HPS5: variants seen among roughly 807,000 people sequenced by gnomAD.
HPS5 encodes the protein HPS5 biogenesis of lysosomal organelles complex 2 subunit 2, also known as BLOC-2 complex member HPS5.
Under a neutral mutation model 128.0 loss-of-function variants are expected in HPS5, and 83 were observed. The observed-to-expected ratio is 0.65, with a 90% CI of 0.54 to 0.78. The LOEUF (loss-of-function observed/expected upper bound fraction) is 0.78, where lower values mean the gene tolerates loss of function less well. Ranked by LOEUF, HPS5 falls within the 30% of genes least tolerant of loss-of-function variation. The probability of loss-of-function intolerance (pLI) is 0.00; values close to 1 mark genes in which losing one functional copy is unlikely to be tolerated. For missense variants in HPS5, 1,281 were observed against 1,326.2 expected (o/e 0.97, Z 0.53); for synonymous variants, 475 against 470.2 (o/e 1.01, Z -0.13).
chr11:18,293,560 T>A (rs924037543), intron 14 of HPS5, among the ~76,000 whole-genome samples: 1 of 152,288 alleles, frequency 6.6e-6, no homozygotes, highest in Non-Finnish European at 1.5e-5. Context: ...CTCAAGGTGA[T>A]AAGCTCCAGT....
At position 18,288,151 on chromosome 11, in the gene HPS5, T is replaced by C. The variant is rs370927046; in HGVS notation, c.2441-138A>G. The C allele has an allele frequency of 8.7e-4, 741 of 848,518 alleles. 21 individuals are homozygous for C. The South Asian group carries it at 0.011, about 13-fold the overall frequency. 52.6% of individuals were successfully genotyped at this position (848,518 alleles called of 1,614,324 possible). ...TATGTGCAAGGCCCAATATTAAGCA[T>C]TACAAGAGAAACAAATAAAAGTACA... On this transcript the variant is annotated intron_variant, in intron 16 of 22. Transcript: ENST00000349215.
chr11:18,292,894 C>A lies in HPS5; in HGVS notation c.1862+5G>T. 1 of 1,608,288 alleles carries A rather than the reference C, an allele frequency of 6.2e-7. No individual in the cohort carries two copies. Among genetic ancestry groups the A allele is most frequent in the Non-Finnish European group, 8.5e-7 (1 of 1,174,634 alleles). ...GTCACTATAAAAGTTTCTCATTATA[C>A]TCACATTGCTTCTGCTGTTGCTACT... On this transcript the variant is annotated splice_donor_5th_base_variant and intron_variant, in intron 15 of 22. Coordinates refer to ENST00000349215, the MANE Select transcript of HPS5 (RefSeq NM_181507.2).
intron 8 of HPS5, among the ~76,000 whole-genome samples, chr11:18,304,701 A>G (rs1862145516): frequency 6.6e-6 from 1 of 152,248 alleles, no homozygotes; most frequent in African/African-American, 2.4e-5. Flanking sequence ...ACAACTTCAT[A>G]CAATATTTGC....
At chr11:18,287,749 T>A in intron 17 of HPS5, 59 bp from the exon 18 acceptor site, 1 of 1,598,374 alleles carries the variant, frequency 6.3e-7, no homozygotes, top group Non-Finnish European at 8.6e-7. Context: ...ATAACTTGGT[T>A]ACATTTAGGT....
intron 8 of HPS5, among the ~76,000 whole-genome samples, chr11:18,304,114 A>C (rs1157986338): frequency 1.3e-5 from 2 of 152,172 alleles, no homozygotes; most frequent in Admixed American, 6.5e-5. Context: ...AAGAGTTTTT[A>C]ATATGCTTTA....
intron 2 of HPS5, among the ~76,000 whole-genome samples, chr11:18,313,785 G>A (rs549206611): frequency 1.6e-4 from 25 of 151,986 alleles, no homozygotes; most frequent in Non-Finnish European, 3.2e-4. Flanking sequence ...GTGGCAGTGC[G>A]TGCCTGTAAT....
At position 18,298,865 on chromosome 11, in the gene HPS5, A is replaced by C; in HGVS notation, c.1091T>G (p.Leu364Arg). 6.2e-7 allele frequency: 1 copy of C among 1,614,230 alleles called. No individual in the cohort carries two copies. Among genetic ancestry groups the C allele is most frequent in the African/African-American group, 1.3e-5 (1 of 75,064 alleles). ...CAAGTTCCATAGGCCTCTTCTTAGC[A>C]GGCGTTCCACACAGCGCTCCACAGA... is the stretch of plus-strand genomic sequence containing the variant. ...LISVERCVER[L>R]LRRGLWNLAA... The change falls in exon 10 of 23, where the codon CTG becomes CGG. Residue 364 changes from leucine (L) to arginine (R), a missense_variant. Physicochemically the swap from Leu to Arg is moderately radical, Grantham distance 102. Coordinates refer to ENST00000349215, the MANE Select transcript of HPS5 (RefSeq NM_181507.2).
chr11:18,287,156 G>T (rs1859851562), intron 18 of HPS5, among the ~76,000 whole-genome samples: 1 of 152,184 alleles, frequency 6.6e-6, no homozygotes, highest in African/African-American at 2.4e-5. Flanking sequence ...CAACCATGGG[G>T]AGACAGAAAA....
At chr11:18,318,091 A>C (rs1322866330) in intron 1 of HPS5, among the ~76,000 whole-genome samples, 184 bp from the exon 2 acceptor site, 1 of 152,218 alleles carries the variant, frequency 6.6e-6, no homozygotes, top group Non-Finnish European at 1.5e-5. Flanking sequence ...CCCTGACTCT[A>C]AAACTCCCAG....
intron 9 of HPS5, among the ~76,000 whole-genome samples, chr11:18,299,975 G>C (rs569582201): frequency 6.6e-6 from 1 of 152,216 alleles, no homozygotes; most frequent in Non-Finnish European, 1.5e-5. Context: ...TTCTGGGAAG[G>C]GTAAGAGGAA....
intron 2 of HPS5, among the ~76,000 whole-genome samples, chr11:18,317,393 T>C (rs1200153663): frequency 6.6e-6 from 1 of 151,856 alleles, no homozygotes; most frequent in Non-Finnish European, 1.5e-5. Context: ...GTACCTGGGA[T>C]TACAGGCGCG....
At chr11:18,280,445 G>T in intron 22 of HPS5, 1 of 595,554 alleles carries the variant, frequency 1.7e-6, no homozygotes, top group South Asian at 2.1e-5. Context: ...TGGCAGGAAA[G>T]TAAAATGGTG....
intron 8 of HPS5, among the ~76,000 whole-genome samples, chr11:18,302,831 G>GGGGGGGGGGGGGA (rs1554940156): frequency 2.2e-4 from 6 of 26,904 alleles, no homozygotes; most frequent in Non-Finnish European, 3.2e-4. Context: ...GCGGGGGGGG[G>GGGGGGGGGGGGGA]GGGGGTGTCA....
At chr11:18,305,532 A>C (rs1862246348) in intron 7 of HPS5, 39 bp from the exon 8 acceptor site, 12 of 1,455,754 alleles carry the variant, frequency 8.2e-6, no homozygotes, top group Non-Finnish European at 1.2e-5. Context: ...TTTATCTGTT[A>C]AAAGTATAAC....
chr11:18,286,910 G>T (rs114860794), intron 18 of HPS5, 200 bp from the exon 19 acceptor site: 4 of 496,558 alleles, frequency 8.1e-6, no homozygotes, highest in Non-Finnish European at 1.0e-5. Context: ...GGCCAAAAAA[G>T]AAAAAAAAAA....
At chr11:18,281,082 A>ATT (rs35143344) in intron 22 of HPS5, among the ~76,000 whole-genome samples, 111 of 140,798 alleles carry the variant, frequency 7.9e-4, no homozygotes, top group South Asian at 2.9e-3. Context: ...GGTACCAGTA[A>ATT]TTTTTTTTTT....
chr11:18,280,007 T>TA (rs942085755), intron 22 of HPS5, 65 bp from the exon 23 acceptor site: 1 of 1,486,886 alleles, frequency 6.7e-7, no homozygotes, highest in Non-Finnish European at 9.4e-7. Flanking sequence ...ACAGAAAACT[T>TA]AAAAACTACA....
At chr11:18,320,936 C>T (rs1042658568) in intron 1 of HPS5, among the ~76,000 whole-genome samples, 1 of 152,172 alleles carries the variant, frequency 6.6e-6, no homozygotes, top group Non-Finnish European at 1.5e-5. Context: ...ATAAAATCTT[C>T]TTAGCCAGTA....
intron 6 of HPS5, among the ~76,000 whole-genome samples, chr11:18,307,219 T>G (rs964159660): frequency 2.6e-5 from 4 of 152,210 alleles, no homozygotes; most frequent in Non-Finnish European, 5.9e-5. Flanking sequence ...CTCAATACAT[T>G]ATAGAGTTCC....
Sources: allele counts gnomAD v4.1 joint callset (sites outside exome capture counted in the v4.1 genomes callset), GRCh38; gene constraint gnomAD v4.1.1; transcripts MANE v1.5; gene names NCBI Gene and HGNC (gene_info 2026-07-23, HGNC 2026-07-21).